The following IDO2 variants were observed in gnomAD, a reference collection of about 807,000 sequenced individuals.
IDO2 encodes indoleamine 2,3-dioxygenase 2.
A neutral mutation model predicts 45.1 loss-of-function variants in IDO2; 46 were observed. That is an observed-to-expected ratio of 1.02 (90% CI 0.80 to 1.30). IDO2 has a LOEUF of 1.30. IDO2 is among the 50% of genes most tolerant of loss of function. The pLI is 0.00. For synonymous variants in IDO2, 218 were observed against 184.9 expected (o/e 1.18, Z -1.45); for missense variants, 544 against 491.8 (o/e 1.11, Z -1.00).
At chr8:39,995,216 C>T (rs1802017695) in intron 8 of IDO2, 1 of 71,666 alleles carries the variant, frequency 1.4e-5, no homozygotes, top group African/African-American at 7.4e-5. Context: ...TCTCCTTCTC[C>T]TTCTCCTTCT....
intron 10 of IDO2, among the ~76,000 whole-genome samples, chr8:40,014,102 G>C (rs1802351854): frequency 6.6e-6 from 1 of 152,098 alleles, no homozygotes; most frequent in Non-Finnish European, 1.5e-5. Flanking sequence ...CCCACAAAAT[G>C]GTGCAACTTC....
chr8:39,941,207 G>T (rs536431201), intron 1 of IDO2, among the ~76,000 whole-genome samples: 34 of 94,902 alleles, frequency 3.6e-4, no homozygotes, highest in Non-Finnish European at 5.7e-4. Context: ...GGGTGACAAA[G>T]CAAGACTCCA....
chr8:39,952,754 C>T (rs891289127), intron 2 of IDO2, among the ~76,000 whole-genome samples: 3 of 150,718 alleles, frequency 2.0e-5, no homozygotes, highest in Admixed American at 6.6e-5. Context: ...TGAGAGAGCC[C>T]GGAAATGAGG....
chr8:39,949,174 C>T, exon 2 of IDO2: 1 of 1,607,314 alleles, frequency 6.2e-7, no homozygotes, highest in Non-Finnish European at 8.5e-7. Context: ...TAATGGAGCC[C>T]CACAGACCGA....
chr8:40,015,179 A>C, intron 10 of IDO2, 68 bp from the exon 11 acceptor site: 1 of 949,082 alleles, frequency 1.1e-6, no homozygotes, highest in East Asian at 2.4e-5. Context: ...AAAAAAGAAG[A>C]AGAAGCAGAC....
intron 2 of IDO2, among the ~76,000 whole-genome samples, chr8:39,957,902 T>G (rs1156411770): frequency 6.6e-6 from 1 of 152,218 alleles, no homozygotes; most frequent in Non-Finnish European, 1.5e-5. Flanking sequence ...TTTATTTTAT[T>G]TTTATTTTTA....
At chr8:39,987,003 C>T (rs2729474) in intron 6 of IDO2, 122,468 of 151,782 alleles carry the variant, frequency 0.81, 49,887 homozygotes, top group East Asian at 0.92. Flanking sequence ...GCATGCCCCG[C>T]CATGCCCAGC....
chr8:39,979,808 G>A (rs1354347160), intron 4 of IDO2, among the ~76,000 whole-genome samples: 2 of 151,842 alleles, frequency 1.3e-5, no homozygotes, highest in East Asian at 1.9e-4. Context: ...TTGAAGACCT[G>A]CATTTGAAGG....
chr8:40,000,398 G>A (rs1563439914), intron 8 of IDO2, among the ~76,000 whole-genome samples: 2 of 149,986 alleles, frequency 1.3e-5, no homozygotes, highest in Admixed American at 6.7e-5. Flanking sequence ...AACAGAGTGA[G>A]ACTCCATCTT....
intron 8 of IDO2, among the ~76,000 whole-genome samples, chr8:39,993,597 T>TG (rs1180346834): frequency 6.6e-6 from 1 of 152,222 alleles, no homozygotes; most frequent in East Asian, 1.9e-4. Context: ...TCTCAGCCTG[T>TG]GAACTTATTT....
chr8:39,941,098 C>T (rs1251303657), intron 1 of IDO2, among the ~76,000 whole-genome samples: 1 of 150,272 alleles, frequency 6.7e-6, no homozygotes, highest in Non-Finnish European at 1.5e-5. Flanking sequence ...GGCAGGGGCC[C>T]GTAATCCCAG....
chr8:40,003,450 G>A (rs1225529081), intron 8 of IDO2, among the ~76,000 whole-genome samples: 1 of 150,998 alleles, frequency 6.6e-6, no homozygotes, highest in African/African-American at 2.4e-5. Context: ...TCAAGATAAA[G>A]GGCTTACCTA....
At chr8:40,005,851 G>T (rs1391996607) in intron 9 of IDO2, among the ~76,000 whole-genome samples, 4 of 152,204 alleles carry the variant, frequency 2.6e-5, no homozygotes, top group Non-Finnish European at 4.4e-5. Flanking sequence ...TTGTGATGGT[G>T]AGGTATTCGA....
chr8:39,975,159 GTT>G (rs368341548), intron 3 of IDO2, among the ~76,000 whole-genome samples: 14 of 142,554 alleles, frequency 9.8e-5, no homozygotes, highest in Admixed American at 2.1e-4. Context: ...CAACATTGGA[GTT>G]TTTTTTTTTG....
chr8:39,954,749 G>A (rs960159290), intron 2 of IDO2, among the ~76,000 whole-genome samples: 6 of 143,192 alleles, frequency 4.2e-5, no homozygotes, highest in Admixed American at 7.6e-5. Flanking sequence ...TTTGCCTCCC[G>A]GGTTCAAGCA....
chr8:39,985,776 A>G (rs12541238), intron 6 of IDO2: 2 of 417,778 alleles, frequency 4.8e-6, no homozygotes, highest in East Asian at 8.0e-5. Flanking sequence ...AAAACAAGTA[A>G]TGTGCAATGC....
At chr8:39,963,230 T>C (rs1808025915) in intron 2 of IDO2, among the ~76,000 whole-genome samples, 1 of 152,154 alleles carries the variant, frequency 6.6e-6, no homozygotes, top group African/African-American at 2.4e-5. Context: ...AAAAGTCACT[T>C]CCCCTCCAAA....
intron 8 of IDO2, chr8:39,995,132 A>G (rs5029662): frequency 6.9e-6 from 1 of 145,864 alleles, no homozygotes; most frequent in Non-Finnish European, 1.5e-5. Flanking sequence ...CTATAAAATT[A>G]TTCTTATTAT....
At chr8:39,980,247 GA>G (rs1808323390) in intron 4 of IDO2, among the ~76,000 whole-genome samples, 1 of 152,168 alleles carries the variant, frequency 6.6e-6, no homozygotes, top group African/African-American at 2.4e-5. Context: ...TTTTACAACT[GA>G]AAAGCACAGA....
Sources: gnomAD v4.1 joint callset for allele counts (sites outside exome capture counted in the v4.1 genomes callset) on GRCh38, gnomAD v4.1.1 for gene constraint, MANE v1.5 for transcripts, NCBI Gene and HGNC (gene_info 2026-07-23, HGNC 2026-07-21) for gene names.